The following ELP4 variants were observed in gnomAD, a reference collection of about 807,000 sequenced individuals.
The protein encoded by ELP4 is elongator acetyltransferase complex subunit 4.
A neutral mutation model predicts 48.9 loss-of-function variants in ELP4; 51 were observed. The observed-to-expected ratio is 1.04, with a 90% CI of 0.83 to 1.32. The LOEUF is 1.32. Ranked by LOEUF, ELP4 falls within the 40% of genes most tolerant of loss-of-function variation. The probability of loss-of-function intolerance (pLI) is 0.00; values close to 1 mark genes in which losing one functional copy is unlikely to be tolerated. For missense variants in ELP4, 519 were observed against 514.6 expected (o/e 1.01, Z -0.08); for synonymous variants, 210 against 189.2 (o/e 1.11, Z -0.90).
At chr11:31,561,590 C>G (rs888501466) in intron 3 of ELP4, among the ~76,000 whole-genome samples, 1 of 151,954 alleles carries the variant, frequency 6.6e-6, no homozygotes, top group East Asian at 1.9e-4. Context: ...ATTACAGGCT[C>G]CCGCCGCCAC....
intron 3 of ELP4, among the ~76,000 whole-genome samples, chr11:31,544,072 C>A (rs565091752): frequency 6.6e-6 from 1 of 152,202 alleles, no homozygotes; most frequent in Non-Finnish European, 1.5e-5. Flanking sequence ...GCGTGAGCGA[C>A]GCAGAAGACG....
At chr11:31,540,205 G>C (rs1956570521) in intron 3 of ELP4, among the ~76,000 whole-genome samples, 1 of 152,078 alleles carries the variant, frequency 6.6e-6, no homozygotes. Context: ...ATTTTCCAAA[G>C]TCTAAGCTTT....
At chr11:31,727,728 G>C (rs72898373) in intron 9 of ELP4, 2 of 152,036 alleles carry the variant, frequency 1.3e-5, no homozygotes, top group Non-Finnish European at 2.9e-5. Context: ...ATAACTACTC[G>C]AATAATGAAG....
At chr11:31,553,367 G>A (rs887671194) in intron 3 of ELP4, among the ~76,000 whole-genome samples, 1 of 152,122 alleles carries the variant, frequency 6.6e-6, no homozygotes, top group African/African-American at 2.4e-5. Flanking sequence ...AAAGTAGATT[G>A]CCCTCCCTAA....
chr11:31,687,051 C>T (rs1946176520), intron 9 of ELP4, among the ~76,000 whole-genome samples: 1 of 152,014 alleles, frequency 6.6e-6, no homozygotes, highest in Admixed American at 6.6e-5. Flanking sequence ...TGAACTTAGT[C>T]ATTTAGTAAG....
intron 3 of ELP4, among the ~76,000 whole-genome samples, chr11:31,550,289 AAG>A (rs1416757948): frequency 1.3e-5 from 2 of 152,124 alleles, no homozygotes; most frequent in African/African-American, 4.8e-5. Flanking sequence ...AATGGTGAGA[AAG>A]AGAATAGAGG....
intron 6 of ELP4, among the ~76,000 whole-genome samples, chr11:31,630,849 G>A (rs1944846553): frequency 6.6e-6 from 1 of 152,090 alleles, no homozygotes; most frequent in South Asian, 2.1e-4. Flanking sequence ...GGAGGCAGAG[G>A]TGGGAAGATC....
At chr11:31,718,717 A>G (rs7120112) in intron 9 of ELP4, among the ~76,000 whole-genome samples, 42,765 of 152,056 alleles carry the variant, frequency 0.28, 6,358 homozygotes, top group African/African-American at 0.37. Context: ...TTCTTACATG[A>G]TGGTCAAACT....
intron 3 of ELP4, among the ~76,000 whole-genome samples, chr11:31,547,659 C>T (rs1208851963): frequency 6.6e-6 from 1 of 152,064 alleles, no homozygotes; most frequent in African/African-American, 2.4e-5. Flanking sequence ...ATCCTGATAC[C>T]AAAGCCGGGC....
chr11:31,523,497 C>G (rs1956248849), intron 2 of ELP4, among the ~76,000 whole-genome samples: 1 of 152,126 alleles, frequency 6.6e-6, no homozygotes, highest in South Asian at 2.1e-4. Context: ...TGTGGGCTTT[C>G]AGAGTACTGT....
intron 9 of ELP4, among the ~76,000 whole-genome samples, chr11:31,742,215 G>C (rs889772065): frequency 1.3e-5 from 2 of 152,044 alleles, no homozygotes; most frequent in Non-Finnish European, 2.9e-5. Flanking sequence ...GAAAAGAAAC[G>C]AACAAAGCCT....
chr11:31,592,052 C>T (rs1253422077), intron 3 of ELP4, among the ~76,000 whole-genome samples: 11 of 152,056 alleles, frequency 7.2e-5, no homozygotes. Context: ...ACGACTAATC[C>T]ATAAAGACAA....
chr11:31,692,944 G>T (rs1287574473), intron 9 of ELP4, among the ~76,000 whole-genome samples: 1 of 152,010 alleles, frequency 6.6e-6, no homozygotes, highest in Non-Finnish European at 1.5e-5. Context: ...ACACTAGATT[G>T]CAATTACTTT....
At chr11:31,695,235 A>G (rs562251544) in intron 9 of ELP4, among the ~76,000 whole-genome samples, 5 of 152,256 alleles carry the variant, frequency 3.3e-5, no homozygotes, top group African/African-American at 1.2e-4. Context: ...GTCTTGTGCC[A>G]GTTTTCAAAG....
chr11:31,689,857 G>A (rs1401933422), intron 9 of ELP4, among the ~76,000 whole-genome samples: 1 of 152,090 alleles, frequency 6.6e-6, no homozygotes, highest in Admixed American at 6.6e-5. Context: ...GGTTGTGGTG[G>A]TGGTGGTGGT....
intron 9 of ELP4, among the ~76,000 whole-genome samples, chr11:31,666,082 C>T (rs1214733660): frequency 7.5e-6 from 1 of 134,092 alleles, no homozygotes; most frequent in Non-Finnish European, 1.5e-5. Flanking sequence ...AATCTAGGCT[C>T]ACTGCAACCT....
At chr11:31,516,426 T>C (rs1956112758) in intron 1 of ELP4, among the ~76,000 whole-genome samples, 1 of 152,230 alleles carries the variant, frequency 6.6e-6, no homozygotes, top group Non-Finnish European at 1.5e-5. Context: ...TCAAATGAAT[T>C]ATAACATTAG....
At chr11:31,661,212 C>T (rs1040503498) in intron 9 of ELP4, among the ~76,000 whole-genome samples, 1 of 151,894 alleles carries the variant, frequency 6.6e-6, no homozygotes, top group Non-Finnish European at 1.5e-5. Flanking sequence ...CAAACAATAC[C>T]TTCTAGGATT....
At chr11:31,726,699 T>C (rs1342315315) in intron 9 of ELP4, among the ~76,000 whole-genome samples, 1 of 152,074 alleles carries the variant, frequency 6.6e-6, no homozygotes, top group Non-Finnish European at 1.5e-5. Flanking sequence ...AAACACCACA[T>C]TACCTTGTTT....
Sources: gnomAD v4.1 joint callset for allele counts (sites outside exome capture counted in the v4.1 genomes callset) on GRCh38, gnomAD v4.1.1 for gene constraint, MANE v1.5 for transcripts, NCBI Gene and HGNC (gene_info 2026-07-23, HGNC 2026-07-21) for gene names.